Variants in RNGTT observed in about 807,000 individuals in gnomAD.
The protein encoded by RNGTT is RNA guanylyltransferase and 5'-phosphatase.
RNGTT carries 33 observed loss-of-function variants against 79.3 expected under a neutral mutation model. The ratio of observed to expected loss-of-function variants is 0.42; its 90% CI spans 0.32 to 0.56. The LOEUF is 0.56. Among genes scored for constraint, RNGTT ranks in the 20% least tolerant of loss-of-function variants. The probability of loss-of-function intolerance (pLI) is 0.17; values close to 1 mark genes in which losing one functional copy is unlikely to be tolerated. For synonymous variants in RNGTT, 222 were observed against 235.9 expected, an observed-to-expected ratio of 0.94 and a Z score of 0.54; for missense variants, 497 against 739.1, an observed-to-expected ratio of 0.67 and a Z score of 3.80.
intron 8 of RNGTT, among the ~76,000 whole-genome samples, chr6:88,855,663 G>A (rs1781821069): frequency 6.6e-6 from 1 of 152,172 alleles, no homozygotes; most frequent in African/African-American, 2.4e-5. Context: ...CCTAGTAGAT[G>A]GGGAGTGTGG....
intron 14 of RNGTT, among the ~76,000 whole-genome samples, chr6:88,665,053 C>A (rs927346112): frequency 6.6e-6 from 1 of 152,118 alleles, no homozygotes; most frequent in Non-Finnish European, 1.5e-5. Context: ...TAGGAAGGGA[C>A]CTGCTTAGCA....
At chr6:88,823,803 A>C (rs1362865119) in intron 11 of RNGTT, among the ~76,000 whole-genome samples, 9 of 152,200 alleles carry the variant, frequency 5.9e-5, no homozygotes, top group Non-Finnish European at 8.8e-5. Context: ...TGTTGGAAAA[A>C]AAATCAAAGA....
At chr6:88,797,511 G>T (rs1386965720) in intron 12 of RNGTT, among the ~76,000 whole-genome samples, 2 of 152,086 alleles carry the variant, frequency 1.3e-5, no homozygotes, top group Non-Finnish European at 2.9e-5. Flanking sequence ...CAGGACTAAA[G>T]AATGGAAGGC....
At chr6:88,639,175 T>C (rs2127772427) in intron 14 of RNGTT, among the ~76,000 whole-genome samples, 1 of 152,274 alleles carries the variant, frequency 6.6e-6, no homozygotes, top group African/African-American at 2.4e-5. Flanking sequence ...TATTTCTTCA[T>C]CTACACTGAG....
chr6:88,929,854 A>G (rs193091485), intron 2 of RNGTT, among the ~76,000 whole-genome samples: 54 of 151,638 alleles, frequency 3.6e-4, no homozygotes, highest in Non-Finnish European at 6.2e-4. Context: ...ACACATATAC[A>G]TATGTATACA....
At chr6:88,844,664 T>C in intron 10 of RNGTT, 143 bp from the exon 11 acceptor site, 1 of 653,028 alleles carries the variant, frequency 1.5e-6, no homozygotes, top group Non-Finnish European at 2.5e-6. Flanking sequence ...CACAAACATA[T>C]ATACCAACCC....
At chr6:88,628,694 T>G (rs1292201281) in intron 14 of RNGTT, among the ~76,000 whole-genome samples, 1 of 152,310 alleles carries the variant, frequency 6.6e-6, no homozygotes, top group East Asian at 1.9e-4. Flanking sequence ...ATCCTTTTTA[T>G]AATAATGAGG....
intron 14 of RNGTT, among the ~76,000 whole-genome samples, chr6:88,644,427 G>A (rs1406408782): frequency 4.6e-5 from 7 of 151,970 alleles, no homozygotes; most frequent in Admixed American, 3.9e-4. Context: ...AGAGGTACAA[G>A]GAGGAGCTGG....
At chr6:88,914,186 T>C (rs561677976) in intron 4 of RNGTT, among the ~76,000 whole-genome samples, 1 of 152,122 alleles carries the variant, frequency 6.6e-6, no homozygotes, top group South Asian at 2.1e-4. Flanking sequence ...AAAGAATCAA[T>C]ATCGTTAAAA....
chr6:88,886,569 G>A (rs1166972733), intron 8 of RNGTT, among the ~76,000 whole-genome samples: 1 of 152,166 alleles, frequency 6.6e-6, no homozygotes, highest in Non-Finnish European at 1.5e-5. Context: ...TACTAAGTCT[G>A]ACATAATTCC....
At chr6:88,858,265 C>T (rs1387610884) in intron 8 of RNGTT, among the ~76,000 whole-genome samples, 1 of 151,844 alleles carries the variant, frequency 6.6e-6, no homozygotes, top group Non-Finnish European at 1.5e-5. Flanking sequence ...GTTAAAGGGC[C>T]GACCTGGAGC....
At chr6:88,619,476 A>T (rs1474833210) in intron 14 of RNGTT, among the ~76,000 whole-genome samples, 1 of 152,084 alleles carries the variant, frequency 6.6e-6, no homozygotes, top group Non-Finnish European at 1.5e-5. Context: ...CCCATTGGGG[A>T]TTTTTTTAAA....
intron 13 of RNGTT, among the ~76,000 whole-genome samples, chr6:88,748,026 C>A (rs947194972): frequency 6.6e-6 from 1 of 152,134 alleles, no homozygotes; most frequent in Admixed American, 6.6e-5. Flanking sequence ...CTACACTACA[C>A]CTTCTGGATC....
At chr6:88,744,586 GA>G (rs796139549) in intron 13 of RNGTT, among the ~76,000 whole-genome samples, 30 of 152,170 alleles carry the variant, frequency 2.0e-4, no homozygotes, top group African/African-American at 7.2e-4. Flanking sequence ...TATAAATACA[GA>G]AGACAATAGA....
chr6:88,824,835 T>C (rs1007601924), intron 11 of RNGTT, among the ~76,000 whole-genome samples: 2 of 151,124 alleles, frequency 1.3e-5, no homozygotes, highest in African/African-American at 4.9e-5. Flanking sequence ...CACTGCAACC[T>C]GGGTCCAAGA....
chr6:88,912,759 T>C (rs1360618959), intron 4 of RNGTT, among the ~76,000 whole-genome samples: 1 of 152,126 alleles, frequency 6.6e-6, no homozygotes, highest in Non-Finnish European at 1.5e-5. Flanking sequence ...CTATTCTGAA[T>C]ACCTCTATGC....
intron 12 of RNGTT, among the ~76,000 whole-genome samples, chr6:88,779,008 A>G (rs762135543): frequency 5.9e-5 from 9 of 152,192 alleles, no homozygotes; most frequent in Non-Finnish European, 8.8e-5. Flanking sequence ...TGGAATGTTG[A>G]AACTGCAACA....
intron 12 of RNGTT, among the ~76,000 whole-genome samples, chr6:88,794,624 G>A (rs542798409): frequency 1.3e-5 from 2 of 152,220 alleles, no homozygotes; most frequent in South Asian, 4.1e-4. Flanking sequence ...TTTTTGTGAG[G>A]CAAAAATATA....
Position 88,768,139 on chromosome 6 carries a change from A to AGTGTGT in RNGTT, c.1439+1629_1439+1634dup, listed in dbSNP as rs71021394. Among the ~76,000 whole-genome samples, 903 of 148,894 alleles carry AGTGTGT rather than the reference A, an allele frequency of 6.1e-3. 9 individuals are homozygous for AGTGTGT. The highest frequency in any genetic ancestry group is 0.02 in the African/African-American group (833 of 40,674). On this transcript the variant is annotated intron_variant, in intron 13 of 15. Transcript: ENST00000369485. ...AATTAAGCCACAAACATTTAGGGAT[A>AGTGTGT]GTGTGTGTGTGTGTGTGTGTGTTTC... is the stretch of plus-strand genomic sequence containing the variant.
Sources: allele counts gnomAD v4.1 joint callset (sites outside exome capture counted in the v4.1 genomes callset), GRCh38; gene constraint gnomAD v4.1.1; transcripts MANE v1.5; gene names NCBI Gene and HGNC (gene_info 2026-07-23, HGNC 2026-07-21).